Variants in CDH4 observed in about 807,000 individuals in gnomAD.
CDH4 encodes cadherin-4.
Under a neutral mutation model 86.0 loss-of-function variants are expected in CDH4, and 33 were observed. The ratio of observed to expected loss-of-function variants is 0.38; its 90% CI spans 0.29 to 0.51. CDH4 has a LOEUF of 0.51. CDH4 is among the 20% of genes least tolerant of loss of function. CDH4 has a pLI of 0.86. For missense variants in CDH4, 1,114 were observed against 1,307.4 expected (o/e 0.85, Z 2.28); for synonymous variants, 555 against 549.4 (o/e 1.01, Z -0.14).
intron 4 of CDH4, among the ~76,000 whole-genome samples, chr20:61,801,845 C>T (rs1979847155): frequency 2.0e-5 from 3 of 152,238 alleles, no homozygotes; most frequent in Admixed American, 2.0e-4. Flanking sequence ...CCTTGAGGGG[C>T]CCCTGGGAAA....
intron 3 of CDH4, among the ~76,000 whole-genome samples, chr20:61,751,704 G>A (rs891792697): frequency 3.3e-5 from 5 of 152,254 alleles, no homozygotes; most frequent in South Asian, 2.1e-4. Context: ...GTACCTATAC[G>A]ATGTCCTCAA....
At chr20:61,380,823 A>G (rs2084896640) in intron 2 of CDH4, among the ~76,000 whole-genome samples, 1 of 152,212 alleles carries the variant, frequency 6.6e-6, no homozygotes, top group South Asian at 2.1e-4. Context: ...AGGTTCTACA[A>G]AGAAATATGT....
At chr20:61,839,439 G>C (rs1982037744) in intron 4 of CDH4, among the ~76,000 whole-genome samples, 1 of 151,640 alleles carries the variant, frequency 6.6e-6, no homozygotes, top group Non-Finnish European at 1.5e-5. Flanking sequence ...GTGTGTGTTT[G>C]TGTATTGAGT....
intron 6 of CDH4, among the ~76,000 whole-genome samples, chr20:61,863,560 C>T (rs574335280): frequency 2.0e-5 from 3 of 152,266 alleles, no homozygotes; most frequent in Admixed American, 1.3e-4. Flanking sequence ...GGATTTACAG[C>T]CTCTGTGGAA....
At chr20:61,308,730 T>C (rs917157899) in intron 2 of CDH4, among the ~76,000 whole-genome samples, 1 of 152,274 alleles carries the variant, frequency 6.6e-6, no homozygotes, top group African/African-American at 2.4e-5. Flanking sequence ...CAAGGCCTTC[T>C]GTCAAAACTG....
rs75066187 is a variant in CDH4 at position 61,849,399 on chromosome 20, G to A, written c.733-3355G>A. ...ACGAATCAGCACAAACTTAGTGGCTGAAACAACGCCCTATGAGTTCACCGT... is the reference window on the plus strand; with the variant it reads ...ACGAATCAGCACAAACTTAGTGGCTAAAACAACGCCCTATGAGTTCACCGT... On this transcript the variant is annotated intron_variant, in intron 5 of 15. Transcript: ENST00000614565. Among the ~76,000 whole-genome samples, 849 of 152,320 alleles carry A rather than the reference G, an allele frequency of 5.6e-3. 2 individuals are homozygous for A. Among genetic ancestry groups the A allele is most frequent in the Non-Finnish European group, 9.2e-3 (629 of 68,026 alleles).
rs185229331 is a variant in CDH4, at chr20:61,731,706, A to T, written c.170-11857A>T. On this transcript the variant is annotated intron_variant, in intron 2 of 15. Coordinates refer to ENST00000614565, the MANE Select transcript of CDH4 (RefSeq NM_001794.5). ...GGCCCCGTGCAGACGCTGCCACATC[A>T]TCTGGGAAATGCTCCCTTGGTTTGG... Among the ~76,000 whole-genome samples, 28 of 152,306 alleles carry T rather than the reference A, an allele frequency of 1.8e-4. No homozygotes were observed. The East Asian group carries it at 1.9e-3, about 11-fold the overall frequency.
chr20:61,724,355 C>T (rs2088085082), intron 2 of CDH4, among the ~76,000 whole-genome samples: 1 of 152,198 alleles, frequency 6.6e-6, no homozygotes, highest in African/African-American at 2.4e-5. Context: ...TACCGCAGTT[C>T]AGAACCCCGT....
At chr20:61,717,284 G>A (rs2145906682) in intron 2 of CDH4, among the ~76,000 whole-genome samples, 1 of 152,312 alleles carries the variant, frequency 6.6e-6, no homozygotes, top group Non-Finnish European at 1.5e-5. Flanking sequence ...GCCACCGGGA[G>A]CTAGTGACAA....
intron 2 of CDH4, among the ~76,000 whole-genome samples, chr20:61,639,885 T>C (rs1273492860): frequency 6.6e-6 from 1 of 152,158 alleles, no homozygotes; most frequent in Non-Finnish European, 1.5e-5. Flanking sequence ...ACAATGAAAA[T>C]GCCCATCTTT....
chr20:61,600,968 C>T (rs761856403), intron 2 of CDH4, among the ~76,000 whole-genome samples: 11 of 152,172 alleles, frequency 7.2e-5, no homozygotes, highest in Admixed American at 1.3e-4. Flanking sequence ...TCCTACTCAG[C>T]CTTAGGCACC....
intron 3 of CDH4, among the ~76,000 whole-genome samples, chr20:61,753,540 A>G (rs1393495705): frequency 6.6e-6 from 1 of 152,132 alleles, no homozygotes; most frequent in Non-Finnish European, 1.5e-5. Context: ...GAGGTCACAT[A>G]TTTCCCACCG....
At chr20:61,658,669 G>A (rs1238669414) in intron 2 of CDH4, among the ~76,000 whole-genome samples, 1 of 152,212 alleles carries the variant, frequency 6.6e-6, no homozygotes, top group Non-Finnish European at 1.5e-5. Flanking sequence ...CTCAGCACCA[G>A]CTGGGGCCCG....
chr20:61,719,492 C>A lies in CDH4; in HGVS notation c.170-24071C>A, dbSNP rs150993500. ...ACTACATTAACCTTCGCTGGCTTTTCTTCCCCTCCCAACCCAAAGAGAGAT... is the reference window on the plus strand; with the variant it reads ...ACTACATTAACCTTCGCTGGCTTTTATTCCCCTCCCAACCCAAAGAGAGAT... On this transcript the variant is annotated intron_variant, in intron 2 of 15. Transcript: ENST00000614565. 1,659 of 214,488 alleles carry A rather than the reference C, an allele frequency of 7.7e-3. 33 individuals carry two copies. Among genetic ancestry groups the A allele is most frequent in the Admixed American group, 0.029 (548 of 18,998 alleles). The allele number at this position is 214,488 out of a possible 1,614,324, so 13.3% of individuals were successfully genotyped here. A position where few individuals can be genotyped will look rare whatever the true frequency, so the allele number is the denominator to read the frequency against.
At chr20:61,680,483 C>T (rs2087499681) in intron 2 of CDH4, among the ~76,000 whole-genome samples, 1 of 152,062 alleles carries the variant, frequency 6.6e-6, no homozygotes, top group African/African-American at 2.4e-5. Flanking sequence ...CACTCAGGGC[C>T]ACTGTGACAG....
chr20:61,352,826 T>G (rs1332782225), intron 2 of CDH4, among the ~76,000 whole-genome samples: 1 of 152,102 alleles, frequency 6.6e-6, no homozygotes, highest in Non-Finnish European at 1.5e-5. Context: ...TCGGAGTTCT[T>G]CATCCGGCAG....
chr20:61,595,254 G>A (rs2086548126), intron 2 of CDH4, among the ~76,000 whole-genome samples: 1 of 152,264 alleles, frequency 6.6e-6, no homozygotes, highest in Non-Finnish European at 1.5e-5. Context: ...GAGGAGCCAA[G>A]CCCTGCTGTG....
intron 2 of CDH4, among the ~76,000 whole-genome samples, chr20:61,670,333 C>A (rs1225123821): frequency 6.6e-6 from 1 of 152,206 alleles, no homozygotes. Context: ...AAACTGTTTT[C>A]TTCCCCCATA....
intron 10 of CDH4, 123 bp downstream of exon 10, chr20:61,923,827 T>A (rs1192285273): frequency 4.0e-6 from 5 of 1,256,744 alleles, no homozygotes; most frequent in Non-Finnish European, 5.4e-6. Flanking sequence ...CGGGGGCATC[T>A]CCAACCTAAG....
Sources: gnomAD v4.1 joint callset for allele counts (sites outside exome capture counted in the v4.1 genomes callset) on GRCh38, gnomAD v4.1.1 for gene constraint, MANE v1.5 for transcripts, NCBI Gene and HGNC (gene_info 2026-07-23, HGNC 2026-07-21) for gene names.